The following PALLD variants were observed in gnomAD, a reference collection of about 807,000 sequenced individuals.
The protein encoded by PALLD is palladin.
Under a neutral mutation model 123.5 loss-of-function variants are expected in PALLD, and 61 were observed. The ratio of observed to expected loss-of-function variants is 0.49; its 90% confidence interval spans 0.40 to 0.61. The LOEUF (loss-of-function observed/expected upper bound fraction) is 0.61. Ranked by LOEUF, PALLD falls within the 20% of genes least tolerant of loss-of-function variation. The pLI is 0.00. For missense variants in PALLD, 1,273 were observed against 1,377.0 expected (o/e 0.92, Z 1.20); for synonymous variants, 465 against 496.4 (o/e 0.94, Z 0.84).
At chr4:168,877,942 CT>C in intron 10 of PALLD, 1 of 1,500,564 alleles carries the variant, frequency 6.7e-7, no homozygotes, top group East Asian at 2.7e-5. Context: ...CCTCCGGCTC[CT>C]TCAACTACGC....
chr4:168,497,398 A>G (rs1760860945), intron 1 of PALLD, among the ~76,000 whole-genome samples: 1 of 152,200 alleles, frequency 6.6e-6, no homozygotes, highest in African/African-American at 2.4e-5. Flanking sequence ...TTGCCTGCCC[A>G]CTTCATCTCT....
intron 3 of PALLD, among the ~76,000 whole-genome samples, chr4:168,677,313 C>T (rs140575836): frequency 4.6e-5 from 7 of 152,030 alleles, no homozygotes; most frequent in Middle Eastern, 3.4e-3. Flanking sequence ...GATCTGCCCC[C>T]GTCTCCAAGA....
chr4:168,766,611 T>C (rs1733695521), intron 10 of PALLD, among the ~76,000 whole-genome samples: 1 of 152,224 alleles, frequency 6.6e-6, no homozygotes, highest in Admixed American at 6.5e-5. Context: ...GCATCTGTAG[T>C]GGCTGCAAGA....
intron 10 of PALLD, among the ~76,000 whole-genome samples, chr4:168,826,288 T>C (rs1462702546): frequency 6.6e-6 from 1 of 152,208 alleles, no homozygotes; most frequent in Non-Finnish European, 1.5e-5. Context: ...CAATAAAACT[T>C]GGCAATAATC....
intron 17 of PALLD, among the ~76,000 whole-genome samples, chr4:168,918,361 A>G (rs539343359): frequency 6.6e-6 from 1 of 151,676 alleles, no homozygotes; most frequent in Admixed American, 6.6e-5. Context: ...CACACAGTGG[A>G]AAATTATAAT....
At chr4:168,683,686 A>G (rs78229205) in intron 5 of PALLD, among the ~76,000 whole-genome samples, 7 of 152,160 alleles carry the variant, frequency 4.6e-5, no homozygotes, top group African/African-American at 1.2e-4. Flanking sequence ...TAAAAAAAAA[A>G]GTAGAAAACC....
chr4:168,893,246 G>C (rs1754436374), intron 11 of PALLD, among the ~76,000 whole-genome samples: 1 of 152,174 alleles, frequency 6.6e-6, no homozygotes, highest in Non-Finnish European at 1.5e-5. Flanking sequence ...GACTCTCTTT[G>C]AAAATTGAAT....
chr4:168,898,303 C>G (rs1015558000), intron 13 of PALLD, 190 bp from the exon 14 acceptor site: 6 of 617,374 alleles, frequency 9.7e-6, no homozygotes, highest in Admixed American at 5.2e-5. Flanking sequence ...TGAAGACAAT[C>G]TGAAATACCA....
At chr4:168,816,404 TA>T (rs1216471139) in intron 10 of PALLD, among the ~76,000 whole-genome samples, 7 of 137,696 alleles carry the variant, frequency 5.1e-5, no homozygotes, top group Non-Finnish European at 7.7e-5. Flanking sequence ...TATATATATA[TA>T]TATATATATT....
At chr4:168,564,262 A>T (rs945993655) in intron 2 of PALLD, among the ~76,000 whole-genome samples, 1 of 152,196 alleles carries the variant, frequency 6.6e-6, no homozygotes, top group African/African-American at 2.4e-5. Context: ...AGGCGAGGTG[A>T]GGTTAGATAA....
At chr4:168,691,228 T>C in intron 7 of PALLD, 41 bp from the exon 8 acceptor site, 1 of 1,483,154 alleles carries the variant, frequency 6.7e-7, no homozygotes. Context: ...AACCCCATTC[T>C]AATACTTTGT....
chr4:168,793,052 G>T (rs550075339), intron 10 of PALLD, among the ~76,000 whole-genome samples: 1 of 151,148 alleles, frequency 6.6e-6, no homozygotes, highest in African/African-American at 2.4e-5. Flanking sequence ...CAGGAGTGGG[G>T]CGTATTTTTA....
At chr4:168,902,635 C>A (rs555552138) in intron 14 of PALLD, among the ~76,000 whole-genome samples, 1 of 152,018 alleles carries the variant, frequency 6.6e-6, no homozygotes, top group African/African-American at 2.4e-5. Context: ...GGCAACGGAG[C>A]GAGACCCTGT....
intron 2 of PALLD, among the ~76,000 whole-genome samples, chr4:168,585,716 G>A (rs1326571630): frequency 3.3e-5 from 5 of 152,104 alleles, no homozygotes; most frequent in African/African-American, 1.2e-4. Context: ...GGGAGCCTGT[G>A]GACACAATAC....
At position 168,890,895 on chromosome 4, in the gene PALLD, A is replaced by C. The variant is rs756811425; in HGVS notation, c.1965-27A>C. The C allele has an allele frequency of 2.5e-6, 4 of 1,613,292 alleles. No homozygotes were observed. The Admixed American group carries it at 6.7e-5, about 27-fold the overall frequency. ...GGATTTATATGCCTGACAACTAACT[A>C]TACTGCCTTGTGTTTTTATCCTGCA... On this transcript the variant is annotated intron_variant, in intron 10 of 21. Transcript: ENST00000505667.
intron 2 of PALLD, among the ~76,000 whole-genome samples, chr4:168,536,200 A>C (rs1442776649): frequency 6.6e-6 from 1 of 152,092 alleles, no homozygotes; most frequent in African/African-American, 2.4e-5. Flanking sequence ...CTGATGTTCC[A>C]CTTCTGCCTG....
At chr4:168,889,406 C>G (rs1399963187) in intron 10 of PALLD, among the ~76,000 whole-genome samples, 1 of 152,066 alleles carries the variant, frequency 6.6e-6, no homozygotes, top group African/African-American at 2.4e-5. Flanking sequence ...TCAGGGGATT[C>G]ACCCACCTTG....
intron 2 of PALLD, among the ~76,000 whole-genome samples, chr4:168,610,434 C>T (rs1773617906): frequency 6.6e-6 from 1 of 152,294 alleles, no homozygotes. Flanking sequence ...AAATGGGTGA[C>T]CCTGTCCCTA....
chr4:168,513,438 C>CA lies in PALLD; in HGVS notation c.908+1031dup, dbSNP rs1762713391. Among the ~76,000 whole-genome samples, 2 of 152,132 alleles carry CA rather than the reference C, an allele frequency of 1.3e-5. 1 individual carries two copies. Among genetic ancestry groups the CA allele is most frequent in the South Asian group, 4.1e-4 (2 of 4,820 alleles). On this transcript the variant is annotated intron_variant, in intron 2 of 21. Coordinates refer to ENST00000505667, the MANE Select transcript of PALLD (RefSeq NM_001166108.2). The stretch of plus-strand genomic sequence containing the variant: ...TGTAGAGTTTATACCTTCCCCTGAG[C>CA]AAAAATGTTAAGGGGAAAGAGATCC...
Sources: allele counts gnomAD v4.1 joint callset (sites outside exome capture counted in the v4.1 genomes callset), GRCh38; gene constraint gnomAD v4.1.1; transcripts MANE v1.5; gene names NCBI Gene and HGNC (gene_info 2026-07-23, HGNC 2026-07-21).